The following BRWD3 variants were observed in gnomAD, a reference collection of about 807,000 sequenced individuals.
The protein encoded by BRWD3 is bromodomain and WD repeat domain containing 3.
In BRWD3, 10 loss-of-function variants were observed where a neutral mutation model predicts 149.7. The ratio of observed to expected loss-of-function variants is 0.07; its 90% confidence interval spans 0.04 to 0.11. BRWD3 has a LOEUF of 0.11. BRWD3 is among the 10% of genes least tolerant of loss of function. The pLI, the probability that BRWD3 is intolerant of heterozygous loss-of-function variation, is 1.00. For missense variants in BRWD3, 940 were observed against 1,373.2 expected (o/e 0.68, Z 4.99); for synonymous variants, 504 against 456.7 (o/e 1.10, Z -1.32).
chrX:80,809,036 C>G lies in BRWD3; in HGVS notation c.97G>C (p.Val33Leu). ...GPCNKSAQVL[V>L]QELEEHQLIP... ...ACCTGATGCTCCTCGAGCTCCTGCA[C>G]TAGCACCTGAGCAAAAGGGAAACAC... Residue 33 changes from valine to leucine, a missense_variant, in exon 3 of 41, where the codon GTG (valine) becomes CTG (leucine). Val to Leu is a conservative substitution (Grantham distance 32). This residue lies in a region of BRWD3 where 105 missense variants were observed against 127.7 expected (regional missense o/e 0.82). Coordinates refer to ENST00000373275, the MANE Select transcript of BRWD3 (RefSeq NM_153252.5). The G allele has an allele frequency of 8.4e-7, 1 of 1,193,750 alleles. No homozygotes were observed.
At chrX:80,799,528 A>G (rs1302088738) in intron 4 of BRWD3, among the ~76,000 whole-genome samples, 1 of 112,083 alleles carries the variant, frequency 8.9e-6, no homozygotes, top group African/African-American at 3.2e-5. Flanking sequence ...CCTGGGTCTG[A>G]TTGGTTGATT....
chrX:80,695,508 A>G (rs961487191), intron 27 of BRWD3, among the ~76,000 whole-genome samples: 3 of 111,849 alleles, frequency 2.7e-5, no homozygotes, highest in Non-Finnish European at 5.6e-5. Context: ...TCAAAAAAGT[A>G]AAGAAAGAAG....
chrX:80,717,648 T>C lies in BRWD3; in HGVS notation c.2156A>G (p.Gln719Arg). 1 of 1,211,591 alleles carries C rather than the reference T, an allele frequency of 8.3e-7. No homozygotes were observed. ...RQMHNNAPRS[Q>R]MATERDLMAW... is the part of the protein sequence containing the mutation. ...CATGAGATCTCTTTCAGTGGCCATC[T>C]GGCTCCGAGGAGCATTGTTATGCAT... The change falls in exon 19 of 41, where the codon CAG becomes CGG. Residue 719 changes from glutamine (Q) to arginine (R), a missense_variant. Gln to Arg is a conservative substitution (Grantham distance 43). This residue lies in a region of BRWD3 where 103 missense variants were observed against 103.2 expected (regional missense o/e 1.00). Transcript: ENST00000373275.
chrX:80,684,215 A>G (rs2072491687), intron 36 of BRWD3, 53 bp from the exon 37 acceptor site: 5 of 1,079,624 alleles, frequency 4.6e-6, no homozygotes, highest in Non-Finnish European at 6.4e-6. Context: ...AAGGAATACA[A>G]TGGGACTAAA....
At chrX:80,785,540 C>T (rs1042558598) in intron 6 of BRWD3, among the ~76,000 whole-genome samples, 96 of 111,547 alleles carry the variant, frequency 8.6e-4, no homozygotes, top group African/African-American at 2.9e-3. Context: ...ATTAACTATA[C>T]GAACGACGGA....
chrX:80,741,871 T>G (rs1386607175), intron 8 of BRWD3, among the ~76,000 whole-genome samples: 1 of 112,051 alleles, frequency 8.9e-6, no homozygotes, highest in Non-Finnish European at 1.9e-5. Context: ...GCCTGTTCAC[T>G]CTGATGGTGG....
intron 24 of BRWD3, 85 bp from the exon 25 acceptor site, chrX:80,700,149 C>A: frequency 1.5e-6 from 1 of 661,544 alleles, no homozygotes; most frequent in Non-Finnish European, 2.3e-6. Flanking sequence ...ACATCCTCTT[C>A]TGTTTGCAGA....
chrX:80,738,179 AG>A (rs2073431111), intron 8 of BRWD3, among the ~76,000 whole-genome samples: 1 of 112,608 alleles, frequency 8.9e-6, no homozygotes, highest in Non-Finnish European at 1.9e-5. Flanking sequence ...TCTATCACAA[AG>A]GGGGACCTGG....
At chrX:80,709,401 T>C in intron 21 of BRWD3, 27 bp downstream of exon 21, 2 of 1,180,472 alleles carry the variant, frequency 1.7e-6, no homozygotes, top group Non-Finnish European at 2.3e-6. Flanking sequence ...AAAAACTACA[T>C]CAAATAAATA....
At chrX:80,770,596 G>A (rs1189865613) in intron 6 of BRWD3, among the ~76,000 whole-genome samples, 1 of 111,268 alleles carries the variant, frequency 9.0e-6, no homozygotes. Flanking sequence ...CTGATCGAAC[G>A]TATTTCAAAA....
At chrX:80,699,218 A>C (rs928009813) in intron 25 of BRWD3, among the ~76,000 whole-genome samples, 13 of 111,082 alleles carry the variant, frequency 1.2e-4, no homozygotes, top group Non-Finnish European at 1.9e-4. Context: ...CCGTTGCAAA[A>C]TAAATAAAAA....
chrX:80,709,084 C>A (rs983747994), intron 21 of BRWD3, among the ~76,000 whole-genome samples: 2 of 111,131 alleles, frequency 1.8e-5, no homozygotes, highest in African/African-American at 6.5e-5. Context: ...ATTAGATAGC[C>A]AACCAGTTCT....
intron 20 of BRWD3, among the ~76,000 whole-genome samples, chrX:80,710,880 C>T (rs1569255373): frequency 9.0e-6 from 1 of 110,799 alleles, no homozygotes; most frequent in Non-Finnish European, 1.9e-5. Context: ...GTACATTTTT[C>T]TTTGAGATGT....
At chrX:80,749,791 T>C (rs2073641675) in intron 6 of BRWD3, among the ~76,000 whole-genome samples, 1 of 111,679 alleles carries the variant, frequency 9.0e-6, no homozygotes, top group Non-Finnish European at 1.9e-5. Context: ...TAAAACACTC[T>C]TATGCAAAAA....
At chrX:80,751,981 CATTATTATTATTATTATT>C (rs199879142) in intron 6 of BRWD3, among the ~76,000 whole-genome samples, 128 of 87,738 alleles carry the variant, frequency 1.5e-3, no homozygotes, top group Middle Eastern at 5.7e-3. Flanking sequence ...ATTCATATTT[CATTATTATTATTATTATT>C]ATTATTATTA....
chrX:80,713,482 C>A (rs1170409046), intron 20 of BRWD3, among the ~76,000 whole-genome samples: 2 of 110,130 alleles, frequency 1.8e-5, no homozygotes, highest in Non-Finnish European at 3.8e-5. Context: ...TAAACAGATG[C>A]TTGAAGGCAG....
rs2072974823 is a variant in BRWD3 at position 80,711,926 on chromosome X, C to T, written c.2326-2349G>A. ...AGCCTGGCCATCTTAGGCATATGTT[C>T]TCGGGACTACTTCTTGAGACTGTGC... is the stretch of plus-strand genomic sequence containing the variant. On this transcript the variant is annotated intron_variant, in intron 20 of 40. Transcript: ENST00000373275. Among the ~76,000 whole-genome samples, 4 of 111,682 alleles carry T rather than the reference C, an allele frequency of 3.6e-5. No homozygotes were observed. In the South Asian group the frequency reaches 1.5e-3, roughly 43 times the overall value.
intron 31 of BRWD3, 148 bp downstream of exon 31, chrX:80,690,905 G>C: frequency 1.5e-6 from 1 of 647,498 alleles, no homozygotes; most frequent in Admixed American, 3.5e-5. Flanking sequence ...ACTAAATAAA[G>C]GGAAATTAAT....
At chrX:80,787,365 T>C (rs951102780) in intron 6 of BRWD3, among the ~76,000 whole-genome samples, 1 of 111,642 alleles carries the variant, frequency 9.0e-6, no homozygotes, top group Non-Finnish European at 1.9e-5. Flanking sequence ...GAGAAGCTGA[T>C]TCTAAAATTT....
Sources: allele counts gnomAD v4.1 joint callset (sites outside exome capture counted in the v4.1 genomes callset), GRCh38; gene constraint gnomAD v4.1.1; regional missense constraint gnomAD v4.1.1; transcripts MANE v1.5; gene names NCBI Gene and HGNC (gene_info 2026-07-23, HGNC 2026-07-21).